SEMG2: variants seen among roughly 807,000 people sequenced by gnomAD.
The protein encoded by SEMG2 is semenogelin-2.
Under a neutral mutation model 8.1 loss-of-function variants are expected in SEMG2, and 3 were observed. The ratio of observed to expected loss-of-function variants is 0.37; its 90% CI spans 0.17 to 0.96. The LOEUF is 0.96. Among genes scored for constraint, SEMG2 ranks in the 40% least tolerant of loss-of-function variants. The pLI, the probability that SEMG2 is intolerant of heterozygous loss-of-function variation, is 0.41. For missense variants in SEMG2, 726 were observed against 671.2 expected (o/e 1.08, Z -0.90); for synonymous variants, 252 against 231.4 (o/e 1.09, Z -0.81).
At chr20:45,223,458 T>A in intron 2 of SEMG2, 33 bp downstream of exon 2, 3 of 988,070 alleles carry the variant, frequency 3.0e-6, no homozygotes, top group Non-Finnish European at 4.5e-6. Context: ...ATAGGAGAGG[T>A]GCCTGTCCCA....
chr20:45,221,404 C>T lies in SEMG2; in HGVS notation c.15C>T (p.Ile5=). The T allele has an allele frequency of 1.2e-6, 2 of 1,614,122 alleles. No individual in the cohort carries two copies. The highest frequency in any genetic ancestry group is 1.7e-6 in the Non-Finnish European group (2 of 1,179,980). Residue 5 remains isoleucine, a synonymous_variant, in exon 1 of 3, where the codon ATC becomes ATT. Transcript: ENST00000372769. MKSI[I]LFVLSLLLIL... ...TTTCAAGCAAGATGAAGTCCATCATCCTCTTTGTCCTTTCCCTGCTCCTTA... is the reference window on the plus strand; with the variant it reads ...TTTCAAGCAAGATGAAGTCCATCATTCTCTTTGTCCTTTCCCTGCTCCTTA...
At position 45,222,111 on chromosome 20, in the gene SEMG2, C is replaced by A; in HGVS notation, c.479C>A (p.Ser160Ter). 6.2e-7 allele frequency: 1 copy of A among 1,613,372 alleles called. No homozygotes were observed. Among genetic ancestry groups the A allele is most frequent in the Non-Finnish European group, 8.5e-7 (1 of 1,179,818 alleles). Residue 160 changes from serine to a stop codon, truncating the protein, a stop_gained, in exon 2 of 3, where the codon TCA becomes TAA. Coordinates refer to ENST00000372769, the MANE Select transcript of SEMG2 (RefSeq NM_003008.3). LOFTEE classifies it low-confidence loss of function (END_TRUNC). ...GGAAAGGGATTATCCAGTCAATGTT[C>A]AAACACAGAAAAAAGGCTATGGGTT... The part of the protein sequence containing the change: ...PSGKGLSSQC[S>*]NTEKRLWVHG...
chr20:45,222,901 G>A lies in SEMG2; in HGVS notation c.1269G>A (p.Lys423=). Residue 423 remains lysine, a synonymous_variant, in exon 2 of 3, where the codon AAG becomes AAA. Coordinates refer to ENST00000372769, the MANE Select transcript of SEMG2 (RefSeq NM_003008.3). Reference sequence around the variant, plus strand: ...AAAGACGTCTCAACAGTGGAGAAAAGGATGTACAGAAAGGTGTATCCAAAG... The same window carrying A: ...AAAGACGTCTCAACAGTGGAGAAAAAGATGTACAGAAAGGTGTATCCAAAG... ...TEERRLNSGE[K]DVQKGVSKGS... The A allele has an allele frequency of 6.2e-7, 1 of 1,613,266 alleles. No individual in the cohort carries two copies. The highest frequency in any genetic ancestry group is 8.5e-7 in the Non-Finnish European group (1 of 1,179,836).
Position 45,221,955 on chromosome 20 carries a change from A to G in SEMG2, c.323A>G (p.Asn108Ser). The G allele has an allele frequency of 1.2e-6, 2 of 1,613,788 alleles. No individual in the cohort carries two copies. Among genetic ancestry groups the G allele is most frequent in the Admixed American group, 1.7e-5 (1 of 59,964 alleles). ...QHLGGSQQLLNYKQEGRDHDK... is the reference protein window; with the variant it reads ...QHLGGSQQLLSYKQEGRDHDK... ...CTAGGTGGAAGTCAACAACTGCTCA[A>G]TTATAAACAAGAAGGCAGAGACCAT... Residue 108 changes from asparagine to serine, a missense_variant, in exon 2 of 3, where the codon AAT becomes AGT. Coordinates refer to ENST00000372769, the MANE Select transcript of SEMG2 (RefSeq NM_003008.3).
At position 45,223,209 on chromosome 20, in the gene SEMG2, A is replaced by G. The variant is rs1984067756; in HGVS notation, c.1577A>G (p.Lys526Arg). ...DQWSGQNAKG[K>R]SGQSADSKQD... ...TGGTCTGGCCAAAATGCAAAAGGAA[A>G]GTCTGGTCAATCTGCAGATAGCAAA... The change falls in exon 2 of 3, where the codon AAG (lysine) becomes AGG (arginine). Residue 526 changes from lysine (K) to arginine (R), a missense_variant. Transcript: ENST00000372769. The G allele has an allele frequency of 6.2e-7, 1 of 1,614,064 alleles. No homozygotes were observed. The highest frequency in any genetic ancestry group is 1.1e-5 in the South Asian group (1 of 91,082).
rs771123048 is a variant in SEMG2 at position 45,222,535 on chromosome 20, A to G, written c.903A>G (p.Gly301=). Residue 301 remains glycine (G), a synonymous_variant, in exon 2 of 3, where the codon GGA becomes GGG. Coordinates refer to ENST00000372769, the MANE Select transcript of SEMG2 (RefSeq NM_003008.3). ...CAGAAGAAAGACAACTTCACCATGGAGAAAAGAGTGTACAGAAAGATGTAT... is the reference window on the plus strand; with the variant it reads ...CAGAAGAAAGACAACTTCACCATGGGGAAAAGAGTGTACAGAAAGATGTAT... ...SRTEERQLHH[G]EKSVQKDVSK... is the part of the protein sequence containing the mutation. The G allele has an allele frequency of 1.1e-5, 17 of 1,614,006 alleles. No homozygotes were observed. Among genetic ancestry groups the G allele is most frequent in the Non-Finnish European group, 1.4e-5 (17 of 1,180,022 alleles).
chr20:45,222,255 G>T lies in SEMG2; in HGVS notation c.623G>T (p.Arg208Leu), dbSNP rs144655663. Residue 208 changes from arginine (R) to leucine (L), a missense_variant, in exon 2 of 3, where the codon CGT becomes CTT. Transcript: ENST00000372769. ...GAACTAGTAGTTAACAAACAACAAC[G>T]TGAGACTAAAAATTCTCATCAAAAT... ...TEELVVNKQQ[R>L]ETKNSHQNKG... 1.5e-5 allele frequency: 25 copies of T among 1,614,098 alleles called. No homozygotes were observed. In the African/African-American group the frequency reaches 2.8e-4, roughly 18 times the overall value.
At chr20:45,221,531 G>A in intron 1 of SEMG2, 66 bp downstream of exon 1, 1 of 1,564,756 alleles carries the variant, frequency 6.4e-7, no homozygotes, top group Non-Finnish European at 8.8e-7. Context: ...GATATTCAGG[G>A]TGCAAACAGT....
Position 45,222,508 on chromosome 20 carries a change from T to C in SEMG2, c.876T>C (p.Arg292=). 1 of 1,613,964 alleles carries C rather than the reference T, an allele frequency of 6.2e-7. No homozygotes were observed. The highest frequency in any genetic ancestry group is 8.5e-7 in the Non-Finnish European group (1 of 1,179,974). ...ATAAAATATCATACCCGTCTTCACGTACAGAAGAAAGACAACTTCACCATG... is the reference window on the plus strand; with the variant it reads ...ATAAAATATCATACCCGTCTTCACGCACAGAAGAAAGACAACTTCACCATG... ...KAHKISYPSS[R]TEERQLHHGE... Residue 292 remains arginine, a synonymous_variant, in exon 2 of 3, where the codon CGT becomes CGC. Transcript: ENST00000372769.
chr20:45,222,681 C>A lies in SEMG2; in HGVS notation c.1049C>A (p.Ser350Tyr), dbSNP rs1347277156. The A allele has an allele frequency of 6.2e-7, 1 of 1,613,050 alleles. No individual in the cohort carries two copies. The highest frequency in any genetic ancestry group is 1.3e-5 in the African/African-American group (1 of 74,610). The change falls in exon 2 of 3, where the codon TCT becomes TAT. Residue 350 changes from serine (S) to tyrosine (Y), a missense_variant. By Grantham distance (144) the Ser-to-Tyr change is moderately radical. Transcript: ENST00000372769. ...GHKENKISYQ[S>Y]SSTEERHLNC... The stretch of plus-strand genomic sequence containing the variant: ...AAGGAAAATAAAATATCATACCAAT[C>A]TTCAAGTACAGAAGAAAGACATCTC...
chr20:45,221,863 C>G lies in SEMG2; in HGVS notation c.231C>G (p.Asp77Glu), dbSNP rs188329542. The change falls in exon 2 of 3, where the codon GAC becomes GAG. Residue 77 changes from aspartate (D) to glutamate (E), a missense_variant. By Grantham distance (45) the Asp-to-Glu change is conservative (BLOSUM62 2). Coordinates refer to ENST00000372769, the MANE Select transcript of SEMG2 (RefSeq NM_003008.3). ...HTYHVDINDH[D>E]WTRKSQQYDL... ...ATCATGTAGACATCAATGATCATGA[C>G]TGGACCCGAAAAAGTCAGCAATATG... The G allele has an allele frequency of 1.9e-6, 3 of 1,614,054 alleles. No homozygotes were observed. The highest frequency in any genetic ancestry group is 2.5e-6 in the Non-Finnish European group (3 of 1,179,996).
chr20:45,223,436 T>C lies in SEMG2; in HGVS notation c.*44+11T>C. ...TGGACCAATAGCAAGGTAAGTTTGCTTTTCTTACCAAATAGGAGAGGTGCC... is the reference window on the plus strand; with the variant it reads ...TGGACCAATAGCAAGGTAAGTTTGCCTTTCTTACCAAATAGGAGAGGTGCC... On this transcript the variant is annotated intron_variant, in intron 2 of 2. Transcript: ENST00000372769. 7.5e-7 allele frequency: 1 copy of C among 1,324,614 alleles called. No homozygotes were observed. The highest frequency in any genetic ancestry group is 1.4e-5 in the South Asian group (1 of 72,836). 82.1% of individuals were successfully genotyped at this position (1,324,614 alleles called of 1,614,324 possible).
Position 45,223,409 on chromosome 20 carries a change from G to A in SEMG2, c.*28G>A. ...CTGTTGCTTAGCAACCACTTGAAAA[G>A]CTGGACCAATAGCAAGGTAAGTTTG... On this transcript the variant is annotated 3_prime_UTR_variant, in exon 2 of 3. Transcript: ENST00000372769. The A allele has an allele frequency of 6.6e-7, 1 of 1,526,504 alleles. No individual in the cohort carries two copies. The highest frequency in any genetic ancestry group is 1.2e-5 in the South Asian group (1 of 83,838). 94.6% of individuals were successfully genotyped at this position (1,526,504 alleles called of 1,614,324 possible).
In SEMG2 at chr20:45,223,330, T is replaced by G; in HGVS notation, c.1698T>G (p.Asp566Glu). Residue 566 changes from aspartate to glutamate, a missense_variant, in exon 2 of 3, where the codon GAT becomes GAG. Asp to Glu is a conservative substitution (Grantham distance 45, BLOSUM62 2). Transcript: ENST00000372769. ...IVITEHEVAQ[D>E]DHLTQQYNED... is the part of the protein sequence containing the mutation. The stretch of plus-strand genomic sequence containing the variant: ...TTACTGAGCATGAGGTTGCCCAAGA[T>G]GATCATTTGACACAACAATATAATG... The G allele has an allele frequency of 1.2e-6, 2 of 1,614,014 alleles. No individual in the cohort carries two copies. Among genetic ancestry groups the G allele is most frequent in the Non-Finnish European group, 1.7e-6 (2 of 1,179,930 alleles).
At position 45,223,385 on chromosome 20, in the gene SEMG2, T is replaced by G. The variant is rs777034233; in HGVS notation, c.*4T>G. 1 of 1,588,204 alleles carries G rather than the reference T, an allele frequency of 6.3e-7. No homozygotes were observed. The highest frequency in any genetic ancestry group is 8.6e-7 in the Non-Finnish European group (1 of 1,162,894). On this transcript the variant is annotated 3_prime_UTR_variant, in exon 2 of 3. Transcript: ENST00000372769. ...CAGAAATCCAATATCTACATAGCCC[T>G]GTTGCTTAGCAACCACTTGAAAAGC...
chr20:45,223,173 A>T lies in SEMG2; in HGVS notation c.1541A>T (p.Asn514Ile). Residue 514 changes from asparagine (N) to isoleucine (I), a missense_variant, in exon 2 of 3, where the codon AAT becomes ATT. Physicochemically the swap from Asn to Ile is moderately radical, Grantham distance 149. Transcript: ENST00000372769. ...GKSQIQTPNP[N>I]QDQWSGQNAK... ...TCTCAAATCCAGACACCAAATCCTA[A>T]TCAAGATCAATGGTCTGGCCAAAAT... 6.2e-7 allele frequency: 1 copy of T among 1,614,138 alleles called. No homozygotes were observed. The highest frequency in any genetic ancestry group is 1.7e-5 in the Admixed American group (1 of 60,010).
intron 2 of SEMG2, among the ~76,000 whole-genome samples, chr20:45,223,886 G>T (rs1984083163): frequency 6.6e-6 from 1 of 152,102 alleles, no homozygotes; most frequent in South Asian, 2.1e-4. Flanking sequence ...CTCCTTCAGA[G>T]ACCACAAGCC....
Position 45,221,976 on chromosome 20 carries a change from A to C in SEMG2, c.344A>C (p.Asp115Ala), listed in dbSNP as rs774570826. The change falls in exon 2 of 3, where the codon GAC becomes GCC. Residue 115 changes from aspartate to alanine, a missense_variant. By Grantham distance (126) the Asp-to-Ala change is moderately radical (BLOSUM62 -2). Transcript: ENST00000372769. ...QLLNYKQEGRDHDKSKGHFHM... is the reference protein window; with the variant it reads ...QLLNYKQEGRAHDKSKGHFHM... ...CTCAATTATAAACAAGAAGGCAGAG[A>C]CCATGATAAATCAAAAGGTCATTTT... 3 of 1,614,090 alleles carry C rather than the reference A, an allele frequency of 1.9e-6. No individual in the cohort carries two copies. Among genetic ancestry groups the C allele is most frequent in the Non-Finnish European group, 2.5e-6 (3 of 1,179,994 alleles).
chr20:45,223,228 T>C lies in SEMG2; in HGVS notation c.1596T>C (p.Asp532=). The C allele has an allele frequency of 1.9e-6, 3 of 1,614,130 alleles. No individual in the cohort carries two copies. The highest frequency in any genetic ancestry group is 2.5e-6 in the Non-Finnish European group (3 of 1,180,008). Residue 532 remains aspartate (D), a synonymous_variant, in exon 2 of 3, where the codon GAT becomes GAC. Transcript: ENST00000372769. Reference sequence around the variant, plus strand: ...AAGGAAAGTCTGGTCAATCTGCAGATAGCAAACAAGACCTACTCAGTCATG... The same window carrying C: ...AAGGAAAGTCTGGTCAATCTGCAGACAGCAAACAAGACCTACTCAGTCATG... The part of the protein sequence containing the change: ...NAKGKSGQSA[D]SKQDLLSHEQ...
Sources: gnomAD v4.1 joint callset for allele counts (sites outside exome capture counted in the v4.1 genomes callset) on GRCh38, gnomAD v4.1.1 for gene constraint, MANE v1.5 for transcripts, NCBI Gene and HGNC (gene_info 2026-07-23, HGNC 2026-07-21) for gene names.